Variants in CACNA1A observed in about 807,000 individuals in gnomAD.
CACNA1A encodes voltage-dependent P/Q-type calcium channel subunit alpha-1A.
In CACNA1A, 57 loss-of-function variants were observed where a neutral mutation model predicts 262.4. The observed-to-expected ratio is 0.22, with a 90% CI of 0.18 to 0.27. The LOEUF is 0.27. Among genes scored for constraint, CACNA1A ranks in the 10% least tolerant of loss-of-function variants. The pLI, the probability that CACNA1A is intolerant of heterozygous loss-of-function variation, is 1.00. For synonymous variants in CACNA1A, 1,431 were observed against 1,419.3 expected (o/e 1.01, Z -0.18); for missense variants, 2,526 against 3,562.8 (o/e 0.71, Z 7.41).
chr19:13,391,797 G>A (rs1482765683), intron 3 of CACNA1A, among the ~76,000 whole-genome samples: 1 of 152,054 alleles, frequency 6.6e-6, no homozygotes, highest in Non-Finnish European at 1.5e-5. Flanking sequence ...AGCATTTTGG[G>A]AGGCTGAGGC....
intron 38 of CACNA1A, among the ~76,000 whole-genome samples, chr19:13,217,239 AG>A (rs1156345695): frequency 1.6e-4 from 25 of 152,154 alleles, no homozygotes; most frequent in African/African-American, 6.0e-4. Context: ...CAGGGAAGAG[AG>A]AGAGAGAGAC....
chr19:13,326,350 C>T (rs907235498), intron 10 of CACNA1A, among the ~76,000 whole-genome samples: 1 of 151,948 alleles, frequency 6.6e-6, no homozygotes, highest in Non-Finnish European at 1.5e-5. Context: ...AAATTGATAT[C>T]CTTTCAGCAA....
At chr19:13,221,579 C>A (rs549365885) in intron 38 of CACNA1A, among the ~76,000 whole-genome samples, 19 of 152,112 alleles carry the variant, frequency 1.2e-4, no homozygotes, top group Middle Eastern at 3.4e-3. Context: ...TGTCCTTAAT[C>A]AGCTGCCAAA....
chr19:13,233,955 G>T (rs1263901017), intron 34 of CACNA1A, among the ~76,000 whole-genome samples: 1 of 151,232 alleles, frequency 6.6e-6, no homozygotes, highest in Non-Finnish European at 1.5e-5. Context: ...CTGGCATGCT[G>T]TAGGTGCTCA....
At chr19:13,483,452 C>T (rs545728484) in intron 1 of CACNA1A, among the ~76,000 whole-genome samples, 13 of 152,268 alleles carry the variant, frequency 8.5e-5, no homozygotes, top group Admixed American at 2.0e-4. Flanking sequence ...GTGACCCAAG[C>T]CTAAGCCAAT....
At chr19:13,288,395 A>G (rs955484092) in intron 19 of CACNA1A, among the ~76,000 whole-genome samples, 13 of 151,904 alleles carry the variant, frequency 8.6e-5, no homozygotes, top group Non-Finnish European at 1.8e-4. Context: ...GTGCACCACA[A>G]TACCCAGCTA....
intron 3 of CACNA1A, among the ~76,000 whole-genome samples, chr19:13,448,251 C>T (rs530515358): frequency 4.8e-4 from 73 of 152,060 alleles, no homozygotes; most frequent in Non-Finnish European, 8.8e-4. Flanking sequence ...CAAACTAATG[C>T]AGAAACAGAA....
intron 22 of CACNA1A, among the ~76,000 whole-genome samples, chr19:13,281,156 G>A (rs2057279662): frequency 6.6e-6 from 1 of 151,744 alleles, no homozygotes; most frequent in Admixed American, 6.6e-5. Context: ...TGAGGAGGGA[G>A]GATTGCTTGA....
At chr19:13,245,860 CG>C (rs1331840507) in intron 30 of CACNA1A, among the ~76,000 whole-genome samples, 1 of 151,934 alleles carries the variant, frequency 6.6e-6, no homozygotes, top group Non-Finnish European at 1.5e-5. Flanking sequence ...TTAGTAGAGA[CG>C]GGGTTTCACC....
At chr19:13,483,515 T>C (rs985690112) in intron 1 of CACNA1A, among the ~76,000 whole-genome samples, 7 of 152,188 alleles carry the variant, frequency 4.6e-5, no homozygotes, top group Admixed American at 2.6e-4. Context: ...GGTTCTGGCA[T>C]GAGCACACGA....
chr19:13,252,928 G>C, intron 30 of CACNA1A, 63 bp downstream of exon 30: 4 of 1,110,512 alleles, frequency 3.6e-6, no homozygotes, highest in Non-Finnish European at 5.5e-6. Flanking sequence ...CATCATCCAG[G>C]ACCCATTGTT....
chr19:13,282,913 C>T (rs980630966), intron 22 of CACNA1A, among the ~76,000 whole-genome samples: 4 of 152,156 alleles, frequency 2.6e-5, no homozygotes, highest in African/African-American at 9.7e-5. Context: ...GCGGAGGGGA[C>T]CACCTCTGAG....
chr19:13,466,259 G>A (rs2061235935), intron 1 of CACNA1A, among the ~76,000 whole-genome samples: 1 of 149,412 alleles, frequency 6.7e-6, no homozygotes, highest in African/African-American at 2.5e-5. Context: ...CCCATCATGG[G>A]CCTTTACTCA....
At position 13,312,707 on chromosome 19, in the gene CACNA1A, G is replaced by T; in HGVS notation, c.1630C>A (p.Pro544Thr). Residue 544 changes from proline to threonine, a missense_variant, in exon 12 of 47, where the codon CCT becomes ACT. By Grantham distance (38) the Pro-to-Thr change is conservative. Transcript: ENST00000360228. The part of the protein sequence containing the change: ...FIKMYGLGTR[P>T]YFHSSFNCFD... Reference sequence around the variant, plus strand: ...CAGTTGAAGGAAGAGTGGAAGTAAGGCCGCGTCCCAAGCCCGTACATTTTT... The same window carrying T: ...CAGTTGAAGGAAGAGTGGAAGTAAGTCCGCGTCCCAAGCCCGTACATTTTT... The T allele has an allele frequency of 6.3e-7, 1 of 1,594,632 alleles. No individual in the cohort carries two copies. The highest frequency in any genetic ancestry group is 1.8e-5 in the Admixed American group (1 of 55,888).
rs1222884740 is a variant in CACNA1A, at chr19:13,506,377, C to T, written c.-153G>A. The T allele has an allele frequency of 6.8e-6, 4 of 585,652 alleles. No individual in the cohort carries two copies. Among genetic ancestry groups the T allele is most frequent in the Admixed American group, 4.4e-5 (1 of 22,530 alleles). 36.3% of individuals were successfully genotyped at this position (585,652 alleles called of 1,614,324 possible). A position where few individuals can be genotyped will look rare whatever the true frequency, so the allele number is the denominator to read the frequency against. ...GGAGACGCTCCACGGCCCAGCCCAT[C>T]GGGCGGCGGCGGCTCGGCGCCTCGG... On this transcript the variant is annotated 5_prime_UTR_variant, in exon 1 of 47. Coordinates refer to ENST00000360228, the MANE Select transcript of CACNA1A (RefSeq NM_001127222.2).
At chr19:13,245,009 A>G in intron 31 of CACNA1A, 173 bp downstream of exon 31, 1 of 613,520 alleles carries the variant, frequency 1.6e-6, no homozygotes, top group Non-Finnish European at 2.9e-6. Context: ...TGCCCTCCTG[A>G]GGGGCTGCCC....
chr19:13,228,110 G>A (rs1342736892), intron 36 of CACNA1A, among the ~76,000 whole-genome samples: 1 of 151,834 alleles, frequency 6.6e-6, no homozygotes, highest in East Asian at 1.9e-4. Flanking sequence ...TTCTTGCTAT[G>A]TTGCCCAGGC....
intron 6 of CACNA1A, among the ~76,000 whole-genome samples, chr19:13,351,014 G>A (rs73515464): frequency 1.5e-3 from 224 of 152,312 alleles, no homozygotes; most frequent in African/African-American, 4.8e-3. Flanking sequence ...GGGATTAGGA[G>A]TTTTTGGGAA....
chr19:13,252,848 G>C, intron 30 of CACNA1A, 143 bp downstream of exon 30: 1 of 563,480 alleles, frequency 1.8e-6, no homozygotes, highest in East Asian at 2.9e-5. Context: ...GCCTAAGTAG[G>C]ATCTGTGGCC....
Sources: allele counts gnomAD v4.1 joint callset (sites outside exome capture counted in the v4.1 genomes callset), GRCh38; gene constraint gnomAD v4.1.1; transcripts MANE v1.5; gene names NCBI Gene and HGNC (gene_info 2026-07-23, HGNC 2026-07-21).